CSMD1: variants seen among roughly 807,000 people sequenced by gnomAD.
The protein encoded by CSMD1 is CUB and Sushi multiple domains 1.
A neutral mutation model predicts 417.5 loss-of-function variants in CSMD1; 213 were observed. The observed-to-expected ratio is 0.51, with a 90% CI of 0.46 to 0.57. The LOEUF (loss-of-function observed/expected upper bound fraction) is 0.57. CSMD1 is among the 20% of genes least tolerant of loss of function. CSMD1 has a pLI of 0.00. For synonymous variants in CSMD1, 2,862 were observed against 1,736.8 expected (o/e 1.65, Z -16.11); for missense variants, 6,923 against 4,529.7 (o/e 1.53, Z -15.17).
rs200560234 is a variant in CSMD1 at position 3,190,115 on chromosome 8, G to C, written c.5195C>G (p.Ala1732Gly). The change falls in exon 34 of 70, where the codon GCT becomes GGT. Residue 1732 changes from alanine (A) to glycine (G), a missense_variant and splice_region_variant. Ala to Gly is a moderately conservative substitution (Grantham distance 60). Coordinates refer to ENST00000635120, the MANE Select transcript of CSMD1 (RefSeq NM_033225.6). ...TTGGGTGTCACTGGTACGAGGAACA[G>C]CTAGAAGCAAAGTACAGAACACAGC... ...SARGFHFVYQAVPRTSDTQCS... is the reference protein window; with the variant it reads ...SARGFHFVYQGVPRTSDTQCS... 28 of 1,581,836 alleles carry C rather than the reference G, an allele frequency of 1.8e-5. No individual in the cohort carries two copies. Among genetic ancestry groups the C allele is most frequent in the Non-Finnish European group, 2.2e-5 (26 of 1,163,880 alleles).
At position 2,963,252 on chromosome 8, in the gene CSMD1, C is replaced by T. The variant is rs530394705; in HGVS notation, c.9424G>A (p.Val3142Met). ...CACTGGGGGATCTCTCCTTTCCACACCCCGCGACCTTCACAGGAGAGGATG... is the reference window on the plus strand; with the variant it reads ...CACTGGGGGATCTCTCCTTTCCACATCCCGCGACCTTCACAGGAGAGGATG... ...SAILSCEGRG[V>M]WKGEIPQCLP... The change falls in exon 60 of 70, where the codon GTG becomes ATG. Residue 3142 changes from valine (V) to methionine (M), a missense_variant. By Grantham distance (21) the Val-to-Met change is conservative (BLOSUM62 1). Transcript: ENST00000635120. 15 of 1,613,954 alleles carry T rather than the reference C, an allele frequency of 9.3e-6. No homozygotes were observed. The highest frequency in any genetic ancestry group is 1.6e-4 in the Middle Eastern group (1 of 6,062).
chr8:3,847,796 G>C (rs1350532498), intron 5 of CSMD1, among the ~76,000 whole-genome samples: 1 of 152,056 alleles, frequency 6.6e-6, no homozygotes, highest in Non-Finnish European at 1.5e-5. Context: ...AAATATAGTT[G>C]GGTGCCAATA....
chr8:3,441,168 A>G (rs532204638), intron 12 of CSMD1, among the ~76,000 whole-genome samples: 3 of 152,122 alleles, frequency 2.0e-5, no homozygotes, highest in African/African-American at 7.2e-5. Context: ...TGTAAGCTGT[A>G]AAAGGCTGGG....
At chr8:3,319,692 G>C (rs920861238) in intron 23 of CSMD1, among the ~76,000 whole-genome samples, 20 of 151,230 alleles carry the variant, frequency 1.3e-4, no homozygotes, top group African/African-American at 4.8e-4. Flanking sequence ...TTTTTTGCCT[G>C]ATTGCTGAAG....
At chr8:3,884,247 G>A (rs977825442) in intron 5 of CSMD1, among the ~76,000 whole-genome samples, 58 of 152,246 alleles carry the variant, frequency 3.8e-4, no homozygotes, top group African/African-American at 1.4e-3. Context: ...CGCCTCTAAT[G>A]GCAAGTCTAA....
At chr8:4,100,528 T>A (rs139560830) in intron 3 of CSMD1, among the ~76,000 whole-genome samples, 1 of 152,326 alleles carries the variant, frequency 6.6e-6, no homozygotes, top group African/African-American at 2.4e-5. Context: ...GGGTATCTTA[T>A]AGAAGTGTTG....
At chr8:4,027,389 C>T (rs922844600) in intron 4 of CSMD1, among the ~76,000 whole-genome samples, 4 of 152,040 alleles carry the variant, frequency 2.6e-5, no homozygotes, top group Admixed American at 1.3e-4. Context: ...TCCCCTAATC[C>T]CCATGAGTTG....
intron 5 of CSMD1, among the ~76,000 whole-genome samples, chr8:3,928,431 C>T (rs1231685860): frequency 6.6e-6 from 1 of 152,146 alleles, no homozygotes; most frequent in Non-Finnish European, 1.5e-5. Flanking sequence ...CCTAACTTTT[C>T]AAAAACCAGT....
At chr8:4,431,892 T>G (rs1053835802) in intron 2 of CSMD1, among the ~76,000 whole-genome samples, 8 of 152,164 alleles carry the variant, frequency 5.3e-5, no homozygotes, top group Non-Finnish European at 1.2e-4. Context: ...ACTATTAAAA[T>G]ATGTGAATGA....
chr8:4,002,920 A>G (rs943835637), intron 4 of CSMD1, among the ~76,000 whole-genome samples: 1 of 152,250 alleles, frequency 6.6e-6, no homozygotes, highest in Admixed American at 6.5e-5. Flanking sequence ...ATTAAGCATT[A>G]TCTCAACTAA....
chr8:4,130,353 G>A (rs1803024745), intron 3 of CSMD1, among the ~76,000 whole-genome samples: 1 of 152,054 alleles, frequency 6.6e-6, no homozygotes, highest in Admixed American at 6.6e-5. Context: ...CCCCAGTAAT[G>A]GAAGTGGAAT....
intron 2 of CSMD1, among the ~76,000 whole-genome samples, chr8:4,437,981 G>C (rs1027328382): frequency 6.6e-6 from 1 of 152,100 alleles, no homozygotes; most frequent in African/African-American, 2.4e-5. Flanking sequence ...AATGTTGACA[G>C]AAACCCAATA....
At chr8:3,492,049 C>A (rs755651836) in intron 11 of CSMD1, among the ~76,000 whole-genome samples, 1 of 152,150 alleles carries the variant, frequency 6.6e-6, no homozygotes, top group African/African-American at 2.4e-5. Context: ...AAGGATTAAT[C>A]AGTGAAGGAG....
chr8:2,955,501 G>T (rs1265318973), intron 64 of CSMD1, 88 bp downstream of exon 64: 3 of 1,293,842 alleles, frequency 2.3e-6, no homozygotes, highest in African/African-American at 1.5e-5. Flanking sequence ...TTACTTATGG[G>T]TCTCACACGT....
Position 2,940,795 on chromosome 8 carries a change from G to A in CSMD1, c.10535+1677C>T, listed in dbSNP as rs191664520. On this transcript the variant is annotated intron_variant, in intron 69 of 69. Transcript: ENST00000635120. ...TTTGCATCTTTGCAGGCAAGTTGAG[G>A]GAAAACAGCTTTAATGGACTAGACC... Among the ~76,000 whole-genome samples, 128 of 152,258 alleles carry A rather than the reference G, an allele frequency of 8.4e-4. 2 individuals are homozygous for A. The highest frequency in any genetic ancestry group is 2.1e-3 in the Admixed American group (32 of 15,288).
In CSMD1 at chr8:4,775,410, G is replaced by C. The variant is rs540997507; in HGVS notation, c.86-137852C>G. ...TTTAGAGTTTATAAACTTCCATGAAGTATACAATAAAACAGAATCTAAATA... is the reference window on the plus strand; with the variant it reads ...TTTAGAGTTTATAAACTTCCATGAACTATACAATAAAACAGAATCTAAATA... On this transcript the variant is annotated intron_variant, in intron 1 of 69. Coordinates refer to ENST00000635120, the MANE Select transcript of CSMD1 (RefSeq NM_033225.6). Among the ~76,000 whole-genome samples, 62 of 151,896 alleles carry C rather than the reference G, an allele frequency of 4.1e-4. No homozygotes were observed. The South Asian group carries it at 0.012, about 30-fold the overall frequency.
At chr8:4,001,574 T>C (rs373970669) in intron 4 of CSMD1, among the ~76,000 whole-genome samples, 40 of 152,314 alleles carry the variant, frequency 2.6e-4, no homozygotes, top group East Asian at 1.4e-3. Context: ...CTATTTAAAA[T>C]GCCAGTGGCT....
intron 7 of CSMD1, among the ~76,000 whole-genome samples, chr8:3,665,240 G>T (rs1798624686): frequency 6.6e-6 from 1 of 152,078 alleles, no homozygotes; most frequent in Non-Finnish European, 1.5e-5. Context: ...TAATTTGTCA[G>T]CCAGGCACAG....
At chr8:3,362,506 T>G (rs944141087) in intron 20 of CSMD1, among the ~76,000 whole-genome samples, 1 of 152,222 alleles carries the variant, frequency 6.6e-6, no homozygotes, top group Admixed American at 6.5e-5. Flanking sequence ...CCTAACTCAC[T>G]GGACCCAACT....
Sources: gnomAD v4.1 joint callset for allele counts (sites outside exome capture counted in the v4.1 genomes callset) on GRCh38, gnomAD v4.1.1 for gene constraint, MANE v1.5 for transcripts, NCBI Gene and HGNC (gene_info 2026-07-23, HGNC 2026-07-21) for gene names.